The following TLL2 variants were observed in gnomAD, a reference collection of about 807,000 sequenced individuals.
TLL2 encodes the protein tolloid-like protein 2.
In TLL2, 106 loss-of-function variants were observed where a neutral mutation model predicts 123.0. That is an observed-to-expected ratio of 0.86 (90% CI 0.74 to 1.01). TLL2 has a LOEUF of 1.01. TLL2 is among the 50% of genes least tolerant of loss of function. The pLI, the probability that TLL2 is intolerant of heterozygous loss-of-function variation, is 0.00. For synonymous variants in TLL2, 494 were observed against 516.8 expected (o/e 0.96, Z 0.60); for missense variants, 1,332 against 1,336.7 (o/e 1.00, Z 0.06).
chr10:96,373,848 C>T (rs773552072), intron 18 of TLL2, 39 bp from the exon 19 acceptor site: 12 of 1,592,464 alleles, frequency 7.5e-6, no homozygotes, highest in Admixed American at 1.7e-5. Context: ...AAGGGCCTGG[C>T]GTTCAGCTGG....
At chr10:96,396,154 G>T in intron 11 of TLL2, 134 bp from the exon 12 acceptor site, 1 of 1,023,500 alleles carries the variant, frequency 9.8e-7, no homozygotes. Context: ...TTCATCTCCA[G>T]CCCACAAACA....
At chr10:96,423,023 G>A (rs1049436989) in intron 5 of TLL2, among the ~76,000 whole-genome samples, 1 of 151,856 alleles carries the variant, frequency 6.6e-6, no homozygotes, top group Non-Finnish European at 1.5e-5. Context: ...AGCTACTTGG[G>A]AGGTTGAGGC....
At position 96,401,522 on chromosome 10, in the gene TLL2, A is replaced by ACG. The variant is rs1334266176; in HGVS notation, c.1267+3709_1267+3710insCG. On this transcript the variant is annotated intron_variant, in intron 10 of 20. Transcript: ENST00000357947. ...GCACTCTACACACACACACACACAC[A>ACG]CACGCACACACACAGTTAAAGTGGG... Among the ~76,000 whole-genome samples, 7 of 150,778 alleles carry ACG rather than the reference A, an allele frequency of 4.6e-5. No homozygotes were observed. The South Asian group carries it at 8.4e-4, about 18-fold the overall frequency.
At chr10:96,482,200 G>A (rs1291974318) in intron 1 of TLL2, among the ~76,000 whole-genome samples, 1 of 151,882 alleles carries the variant, frequency 6.6e-6, no homozygotes, top group African/African-American at 2.4e-5. Context: ...GGAGCTTGCA[G>A]TGAGCCGAGA....
At chr10:96,389,670 C>CT (rs1208933796) in intron 13 of TLL2, among the ~76,000 whole-genome samples, 4 of 152,156 alleles carry the variant, frequency 2.6e-5, no homozygotes, top group Non-Finnish European at 4.4e-5. Context: ...GCAGGAGACT[C>CT]TGATACCAGA....
At chr10:96,462,772 C>T (rs1765612185) in intron 2 of TLL2, among the ~76,000 whole-genome samples, 2 of 152,232 alleles carry the variant, frequency 1.3e-5, no homozygotes, top group Admixed American at 1.3e-4. Flanking sequence ...GAGGGACTTT[C>T]TCCATAAGGC....
intron 2 of TLL2, among the ~76,000 whole-genome samples, chr10:96,457,448 G>A (rs1195717519): frequency 1.3e-5 from 2 of 152,190 alleles, no homozygotes. Context: ...GAGAGGGAAG[G>A]GAAGGCAGAT....
intron 16 of TLL2, among the ~76,000 whole-genome samples, chr10:96,383,055 G>C (rs1210634462): frequency 1.5e-4 from 22 of 151,616 alleles, no homozygotes; most frequent in Admixed American, 1.1e-3. Flanking sequence ...TTTAGGAGTA[G>C]AAGGTGATGG....
chr10:96,461,772 T>G (rs534731284), intron 2 of TLL2, among the ~76,000 whole-genome samples: 1 of 152,324 alleles, frequency 6.6e-6, no homozygotes, highest in South Asian at 2.1e-4. Context: ...AATTCCCTCA[T>G]TTGACAAGCT....
intron 8 of TLL2, 59 bp from the exon 9 acceptor site, chr10:96,410,533 C>T (rs764394704): frequency 1.1e-5 from 16 of 1,392,446 alleles, no homozygotes; most frequent in Non-Finnish European, 1.5e-5. Flanking sequence ...GCCCAAGCAG[C>T]TCCCGCACGG....
chr10:96,434,400 A>G (rs1433831580), intron 3 of TLL2, among the ~76,000 whole-genome samples: 1 of 152,156 alleles, frequency 6.6e-6, no homozygotes, highest in African/African-American at 2.4e-5. Flanking sequence ...CTTTGTTTCT[A>G]TGAATTTGCC....
chr10:96,452,121 C>G (rs1428012562), intron 2 of TLL2, among the ~76,000 whole-genome samples: 1 of 152,214 alleles, frequency 6.6e-6, no homozygotes, highest in African/African-American at 2.4e-5. Context: ...CTCTTGGTGC[C>G]TGCATTCTGA....
Position 96,476,250 on chromosome 10 carries a change from TG to T in TLL2, c.286+4098del, listed in dbSNP as rs1340971796. Among the ~76,000 whole-genome samples, 27 of 61,284 alleles carry T rather than the reference TG, an allele frequency of 4.4e-4. 1 individual carries two copies. Among genetic ancestry groups the T allele is most frequent in the East Asian group, 1.1e-3 (1 of 932 alleles). 40.2% of individuals were successfully genotyped at this position (61,284 alleles called of 152,430 possible). A position where few individuals can be genotyped will look rare whatever the true frequency, so the allele number is the denominator to read the frequency against. On this transcript the variant is annotated intron_variant, in intron 2 of 20. Coordinates refer to ENST00000357947, the MANE Select transcript of TLL2 (RefSeq NM_012465.4). ...TATATATATATATATATTTTATTTT[TG>T]TTGTTGTTGTTGTTGTTGAGACGGA...
chr10:96,369,016 A>G (rs1822671189), intron 20 of TLL2, among the ~76,000 whole-genome samples: 1 of 152,246 alleles, frequency 6.6e-6, no homozygotes, highest in Non-Finnish European at 1.5e-5. Context: ...TCAAAGAAAT[A>G]TAAATGCCAA....
chr10:96,419,771 C>T (rs1245722493), intron 7 of TLL2, among the ~76,000 whole-genome samples: 3 of 152,164 alleles, frequency 2.0e-5, no homozygotes, highest in African/African-American at 4.8e-5. Context: ...GCAGCCTTAC[C>T]CAAGAACCAA....
chr10:96,444,656 G>A (rs1362169812), intron 3 of TLL2, among the ~76,000 whole-genome samples: 2 of 152,130 alleles, frequency 1.3e-5, no homozygotes, highest in African/African-American at 4.8e-5. Context: ...AGCGTAGAGG[G>A]TTGATATGTG....
intron 1 of TLL2, among the ~76,000 whole-genome samples, chr10:96,509,348 G>C (rs186301131): frequency 0.012 from 1,846 of 152,300 alleles, 43 homozygotes; most frequent in South Asian, 0.085. Context: ...CTTTCTTACA[G>C]AGGAATAGAA....
At chr10:96,493,635 G>A (rs1250155400) in intron 1 of TLL2, among the ~76,000 whole-genome samples, 1 of 152,128 alleles carries the variant, frequency 6.6e-6, no homozygotes, top group African/African-American at 2.4e-5. Flanking sequence ...GGGATCCTGA[G>A]GCTGTTAGAG....
At chr10:96,440,913 G>A (rs908060936) in intron 3 of TLL2, among the ~76,000 whole-genome samples, 6 of 152,174 alleles carry the variant, frequency 3.9e-5, no homozygotes, top group Admixed American at 3.3e-4. Flanking sequence ...GATTTTCTTG[G>A]ATTACTACTA....
Sources: gnomAD v4.1 joint callset for allele counts (sites outside exome capture counted in the v4.1 genomes callset) on GRCh38, gnomAD v4.1.1 for gene constraint, MANE v1.5 for transcripts, NCBI Gene and HGNC (gene_info 2026-07-23, HGNC 2026-07-21) for gene names.